The following BMPR1A variants were observed in gnomAD, a reference collection of about 807,000 sequenced individuals.
The protein encoded by BMPR1A is bone morphogenetic protein receptor type-1A.
A neutral mutation model predicts 66.0 loss-of-function variants in BMPR1A; 7 were observed. That is an observed-to-expected ratio of 0.11 (90% CI 0.06 to 0.20). The LOEUF is 0.20. BMPR1A is among the 10% of genes least tolerant of loss of function. The pLI, the probability that BMPR1A is intolerant of heterozygous loss-of-function variation, is 1.00. For missense variants in BMPR1A, 408 were observed against 669.1 expected, an observed-to-expected ratio of 0.61 and a Z score of 4.31; for synonymous variants, 200 against 229.7, an observed-to-expected ratio of 0.87 and a Z score of 1.17.
chr10:86,785,246 G>C (rs763007478), intron 1 of BMPR1A, among the ~76,000 whole-genome samples: 10 of 152,214 alleles, frequency 6.6e-5, no homozygotes, highest in Non-Finnish European at 1.5e-4. Context: ...CTGTCTTGGA[G>C]AATGTTGCAT....
chr10:86,764,557 GT>G (rs1216568855), intron 1 of BMPR1A, among the ~76,000 whole-genome samples: 1 of 152,138 alleles, frequency 6.6e-6, no homozygotes, highest in Non-Finnish European at 1.5e-5. Flanking sequence ...ATCCCTATTT[GT>G]TAAATATTTT....
intron 1 of BMPR1A, among the ~76,000 whole-genome samples, chr10:86,789,287 T>C (rs1291036812): frequency 6.6e-6 from 1 of 152,052 alleles, no homozygotes; most frequent in Non-Finnish European, 1.5e-5. Context: ...AAAAAGTAGA[T>C]AAATTAAACT....
At chr10:86,769,491 C>A (rs116840691) in intron 1 of BMPR1A, among the ~76,000 whole-genome samples, 2,772 of 152,268 alleles carry the variant, frequency 0.018, 92 homozygotes, top group African/African-American at 0.064. Flanking sequence ...ATTAGGACCT[C>A]AAAGTTACAT....
At chr10:86,820,191 T>C (rs564760417) in intron 1 of BMPR1A, among the ~76,000 whole-genome samples, 26 of 152,246 alleles carry the variant, frequency 1.7e-4, no homozygotes, top group African/African-American at 6.3e-4. Context: ...TACAGGATTA[T>C]GCCCCCATGC....
At chr10:86,786,163 AC>A (rs1266614386) in intron 1 of BMPR1A, among the ~76,000 whole-genome samples, 5 of 152,070 alleles carry the variant, frequency 3.3e-5, no homozygotes, top group Non-Finnish European at 7.4e-5. Flanking sequence ...CAGGGCCAAA[AC>A]CTGCACTGTG....
chr10:86,885,572 A>G (rs1271391499), intron 3 of BMPR1A, among the ~76,000 whole-genome samples: 1 of 152,346 alleles, frequency 6.6e-6, no homozygotes, highest in Middle Eastern at 3.4e-3. Context: ...AGTGGCTACC[A>G]TATGGGACAG....
At chr10:86,810,803 A>C (rs1841958976) in intron 1 of BMPR1A, among the ~76,000 whole-genome samples, 1 of 152,174 alleles carries the variant, frequency 6.6e-6, no homozygotes, top group African/African-American at 2.4e-5. Flanking sequence ...TCCAGATACA[A>C]GTCCTTATCA....
At chr10:86,914,463 T>C (rs1275753585) in intron 8 of BMPR1A, among the ~76,000 whole-genome samples, 1 of 152,146 alleles carries the variant, frequency 6.6e-6, no homozygotes, top group Admixed American at 6.5e-5. Context: ...AAGTCACAGA[T>C]TGGCAAAACA....
chr10:86,905,108 C>T (rs1429857958), intron 7 of BMPR1A, among the ~76,000 whole-genome samples: 2 of 152,106 alleles, frequency 1.3e-5, no homozygotes, highest in Non-Finnish European at 2.9e-5. Flanking sequence ...ATTTTGTTTC[C>T]CTTTTTTCTG....
chr10:86,908,869 A>G (rs566313527), intron 7 of BMPR1A, among the ~76,000 whole-genome samples: 1 of 152,106 alleles, frequency 6.6e-6, no homozygotes, highest in Non-Finnish European at 1.5e-5. Context: ...CCACAAGGAG[A>G]GAGGAAGGTG....
downstream of BMPR1A, chr10:86,930,598 G>A (rs1260092721): frequency 1.3e-5 from 2 of 152,210 alleles, no homozygotes; most frequent in Non-Finnish European, 2.9e-5. Context: ...TTTTGACATA[G>A]GAATTGTTAA....
intron 2 of BMPR1A, among the ~76,000 whole-genome samples, chr10:86,859,539 A>G (rs1842686421): frequency 6.6e-6 from 1 of 152,046 alleles, no homozygotes; most frequent in Admixed American, 6.6e-5. Context: ...AAAAGAAGAG[A>G]CCGGAAGTGG....
chr10:86,869,249 G>T (rs1842823096), intron 2 of BMPR1A, among the ~76,000 whole-genome samples: 1 of 152,128 alleles, frequency 6.6e-6, no homozygotes, highest in Non-Finnish European at 1.5e-5. Flanking sequence ...CTGAGGTCCA[G>T]GAGTTCAAGA....
intron 1 of BMPR1A, among the ~76,000 whole-genome samples, chr10:86,784,920 T>C (rs1234514689): frequency 6.6e-6 from 1 of 152,168 alleles, no homozygotes; most frequent in East Asian, 1.9e-4. Flanking sequence ...TAAGGATTTG[T>C]CAATTTTATT....
chr10:86,904,672 G>T (rs942065982), intron 7 of BMPR1A, among the ~76,000 whole-genome samples: 3 of 152,126 alleles, frequency 2.0e-5, no homozygotes, highest in African/African-American at 7.2e-5. Context: ...ATCCGGAAAT[G>T]GGGATCTAAG....
At chr10:86,904,563 C>T (rs978493601) in intron 7 of BMPR1A, among the ~76,000 whole-genome samples, 1 of 152,080 alleles carries the variant, frequency 6.6e-6, no homozygotes, top group African/African-American at 2.4e-5. Context: ...TTGAAAGAAC[C>T]CCGCCCCCTT....
chr10:86,756,250 C>A (rs932156702), upstream of BMPR1A: 1 of 152,162 alleles, frequency 6.6e-6, no homozygotes, highest in Non-Finnish European at 1.5e-5. Context: ...CGCGTTCCAT[C>A]GCGTGCTACC....
At chr10:86,796,367 A>C (rs916148503) in intron 1 of BMPR1A, among the ~76,000 whole-genome samples, 3 of 152,054 alleles carry the variant, frequency 2.0e-5, no homozygotes, top group African/African-American at 7.2e-5. Context: ...ATTAAGAAAT[A>C]CTATTTTTTT....
chr10:86,783,733 C>T (rs1315082875), intron 1 of BMPR1A, among the ~76,000 whole-genome samples: 1 of 152,172 alleles, frequency 6.6e-6, no homozygotes, highest in African/African-American at 2.4e-5. Context: ...GGACTACAGG[C>T]CTGCATCACC....
Sources: allele counts gnomAD v4.1 joint callset (sites outside exome capture counted in the v4.1 genomes callset), GRCh38; gene constraint gnomAD v4.1.1; transcripts MANE v1.5; gene names NCBI Gene and HGNC (gene_info 2026-07-23, HGNC 2026-07-21).